The following ABCB1 variants were observed in gnomAD, a reference collection of about 807,000 sequenced individuals.
The protein encoded by ABCB1 is ATP-dependent translocase ABCB1.
A neutral mutation model predicts 142.0 loss-of-function variants in ABCB1; 69 were observed. The observed-to-expected ratio is 0.49, with a 90% CI of 0.40 to 0.59. ABCB1 has a LOEUF of 0.59. ABCB1 is among the 20% of genes least tolerant of loss of function. The pLI is 0.00. For synonymous variants in ABCB1, 532 were observed against 539.2 expected (o/e 0.99, Z 0.18); for missense variants, 1,326 against 1,554.7 (o/e 0.85, Z 2.47).
At position 87,587,610 on chromosome 7, in the gene ABCB1, A is replaced by G. The variant is rs181056046; in HGVS notation, c.118-1930T>C. 5.3e-3 allele frequency among the ~76,000 whole-genome samples: 808 copies of G among 152,194 alleles called. 4 individuals carry two copies. Among genetic ancestry groups the G allele is most frequent in the South Asian group, 0.016 (77 of 4,828 alleles). ...AGTGTAGCTGGGTGCAGTGGCTCAC[A>G]CCTGTAATCCCAGCACTTTGGGAGG... On this transcript the variant is annotated intron_variant, in intron 3 of 27. Coordinates refer to ENST00000622132, the MANE Select transcript of ABCB1 (RefSeq NM_001348946.2).
At chr7:87,621,185 C>A (rs775270464) in intron 1 of ABCB1, among the ~76,000 whole-genome samples, 2 of 152,022 alleles carry the variant, frequency 1.3e-5, no homozygotes, top group African/African-American at 2.4e-5. Context: ...GAAGAACAGA[C>A]ATTCCAGAAT....
At chr7:87,551,181 C>G (rs538761467) in intron 9 of ABCB1, among the ~76,000 whole-genome samples, 61 of 152,176 alleles carry the variant, frequency 4.0e-4, no homozygotes, top group Non-Finnish European at 7.1e-4. Flanking sequence ...ACCATCACAC[C>G]TGACTAATTT....
At chr7:87,698,384 G>A (rs1036433963) in intron 1 of ABCB1, among the ~76,000 whole-genome samples, 4 of 152,132 alleles carry the variant, frequency 2.6e-5, no homozygotes, top group Middle Eastern at 3.4e-3. Context: ...GTGAGCCACC[G>A]CACCGGCTGC....
intron 1 of ABCB1, among the ~76,000 whole-genome samples, chr7:87,626,429 G>A (rs5014435): frequency 0.49 from 7,065 of 14,408 alleles, 3,237 homozygotes; most frequent in East Asian, 0.88. Context: ...TGTGTCATAT[G>A]TATGTGTCAT....
At chr7:87,540,302 C>T (rs1015753814) in intron 18 of ABCB1, among the ~76,000 whole-genome samples, 4 of 152,186 alleles carry the variant, frequency 2.6e-5, no homozygotes, top group African/African-American at 9.7e-5. Flanking sequence ...AGGCAGGTAC[C>T]TGCATCCCTA....
intron 1 of ABCB1, among the ~76,000 whole-genome samples, chr7:87,701,891 C>T (rs534524212): frequency 1.3e-5 from 2 of 151,968 alleles, no homozygotes; most frequent in Non-Finnish European, 2.9e-5. Flanking sequence ...CGCCTGTAAT[C>T]CCAGCACTTT....
chr7:87,566,627 A>G (rs1435476420), intron 6 of ABCB1, among the ~76,000 whole-genome samples, 158 bp downstream of exon 6: 1 of 152,210 alleles, frequency 6.6e-6, no homozygotes, highest in Non-Finnish European at 1.5e-5. Flanking sequence ...ACTGGGAACA[A>G]AAGGATGCAC....
In ABCB1 at chr7:87,509,299, A is replaced by G. The variant is rs1051490404; in HGVS notation, c.3465T>C (p.His1155=). The change falls in exon 26 of 28, where the codon CAT becomes CAC. Residue 1155 remains histidine, a synonymous_variant. Coordinates refer to ENST00000622132, the MANE Select transcript of ABCB1 (RefSeq NM_001348946.2). ...IVRAAKEANI[H]AFIESLPNKY... ...CATTAGGCAGTGACTCGATGAAGGC[A>G]TGTATGTTGGCCTCCTTTGCTGCCC... 2 of 1,614,196 alleles carry G rather than the reference A, an allele frequency of 1.2e-6. No homozygotes were observed. Among genetic ancestry groups the G allele is most frequent in the Middle Eastern group, 1.7e-4 (1 of 6,060 alleles).
chr7:87,564,899 G>T (rs539084607), intron 7 of ABCB1, among the ~76,000 whole-genome samples: 2 of 152,282 alleles, frequency 1.3e-5, no homozygotes, highest in East Asian at 3.9e-4. Context: ...TGAAGAGTTT[G>T]CCACCTAACT....
chr7:87,544,047 C>A, intron 17 of ABCB1, 82 bp downstream of exon 17: 2 of 1,540,196 alleles, frequency 1.3e-6, no homozygotes, highest in South Asian at 2.3e-5. Flanking sequence ...TTTTTGTATC[C>A]CAGTTCAGAC....
Position 87,515,199 on chromosome 7 carries a change from C to A in ABCB1, c.3282+32G>T, listed in dbSNP as rs141755720. 1.9e-6 allele frequency: 3 copies of A among 1,611,518 alleles called. No homozygotes were observed. The highest frequency in any genetic ancestry group is 2.5e-6 in the Non-Finnish European group (3 of 1,179,274). On this transcript the variant is annotated intron_variant, in intron 25 of 27. Coordinates refer to ENST00000622132, the MANE Select transcript of ABCB1 (RefSeq NM_001348946.2). ...ATTCAGACATTTGGATGATGAAAAC[C>A]TGAACTGAGCTAAATGTGAAAGTGT...
At chr7:87,621,790 AGTT>A (rs975297178) in intron 1 of ABCB1, among the ~76,000 whole-genome samples, 45 of 152,228 alleles carry the variant, frequency 3.0e-4, no homozygotes, top group African/African-American at 9.9e-4. Flanking sequence ...ATCCAAAAAA[AGTT>A]GTTGTGAAAC....
chr7:87,675,653 C>CAAA (rs200136132), intron 1 of ABCB1, among the ~76,000 whole-genome samples: 6 of 65,834 alleles, frequency 9.1e-5, no homozygotes, highest in Admixed American at 4.9e-4. Flanking sequence ...TATTCACATG[C>CAAA]AAAAAAAAAA....
Position 87,509,149 on chromosome 7 carries a change from C to A in ABCB1, c.3489+126G>T, listed in dbSNP as rs909632161. 34 of 917,352 alleles carry A rather than the reference C, an allele frequency of 3.7e-5. No homozygotes were observed. In the African/African-American group the frequency reaches 4.6e-4, roughly 12 times the overall value. The allele number at this position is 917,352 out of a possible 1,614,324, so 56.8% of individuals were successfully genotyped here. A position where few individuals can be genotyped will look rare whatever the true frequency, so the allele number is the denominator to read the frequency against. ...GGAAGTGTGGCCAGATGCTTGTATA[C>A]AGGTAAGGGTGTGATTTGGTTGCTA... On this transcript the variant is annotated intron_variant, in intron 26 of 27. Transcript: ENST00000622132.
chr7:87,543,878 T>C (rs1270426616), intron 17 of ABCB1, among the ~76,000 whole-genome samples: 6 of 152,208 alleles, frequency 3.9e-5, no homozygotes, highest in African/African-American at 7.2e-5. Flanking sequence ...ATCACTTTCA[T>C]TGACTATTTC....
chr7:87,543,864 T>A (rs1816652761), intron 17 of ABCB1, among the ~76,000 whole-genome samples: 1 of 152,158 alleles, frequency 6.6e-6, no homozygotes, highest in Admixed American at 6.5e-5. Flanking sequence ...GAGAAAGTCA[T>A]CTCATCACTT....
intron 1 of ABCB1, among the ~76,000 whole-genome samples, chr7:87,620,080 A>G (rs555186982): frequency 8.5e-5 from 13 of 152,302 alleles, no homozygotes; most frequent in African/African-American, 2.9e-4. Context: ...GGAAAAATCA[A>G]AACAAGATTT....
intron 14 of ABCB1, among the ~76,000 whole-genome samples, chr7:87,548,347 T>G: frequency 6.7e-5 from 8 of 120,252 alleles, no homozygotes; most frequent in East Asian, 2.5e-4. Flanking sequence ...AGGGAGGGAT[T>G]GAGGGAGGGA....
upstream of ABCB1, among the ~76,000 whole-genome samples, chr7:87,604,644 C>T (rs73705272): frequency 0.013 from 2,044 of 152,034 alleles, 51 homozygotes; most frequent in African/African-American, 0.046. Flanking sequence ...ATCCAGATTC[C>T]GAAGGTCAAT....
Sources: gnomAD v4.1 joint callset for allele counts (sites outside exome capture counted in the v4.1 genomes callset) on GRCh38, gnomAD v4.1.1 for gene constraint, MANE v1.5 for transcripts, NCBI Gene and HGNC (gene_info 2026-07-23, HGNC 2026-07-21) for gene names.